The following MME variants were observed in gnomAD, a reference collection of about 807,000 sequenced individuals.
MME encodes neprilysin.
In MME, 98 loss-of-function variants were observed where a neutral mutation model predicts 113.2. The ratio of observed to expected loss-of-function variants is 0.87; its 90% CI spans 0.74 to 1.02. The LOEUF is 1.02. Among genes scored for constraint, MME ranks in the 50% least tolerant of loss-of-function variants. The pLI is 0.00. For missense variants in MME, 836 were observed against 896.0 expected, an observed-to-expected ratio of 0.93 and a Z score of 0.86; for synonymous variants, 292 against 300.6, an observed-to-expected ratio of 0.97 and a Z score of 0.30.
chr3:155,136,157 T>C (rs1282006607), intron 8 of MME, among the ~76,000 whole-genome samples: 1 of 152,152 alleles, frequency 6.6e-6, no homozygotes, highest in African/African-American at 2.4e-5. Flanking sequence ...TTGATTGATC[T>C]AGGTAGGACT....
At chr3:155,167,338 T>C (rs1723176502) in intron 18 of MME, among the ~76,000 whole-genome samples, 1 of 152,156 alleles carries the variant, frequency 6.6e-6, no homozygotes, top group South Asian at 2.1e-4. Flanking sequence ...TATCTTGTCA[T>C]ACTCTTAAAG....
intron 3 of MME, among the ~76,000 whole-genome samples, chr3:155,110,435 A>G (rs1271892673): frequency 6.6e-6 from 1 of 152,202 alleles, no homozygotes. Flanking sequence ...CTCCCAATCC[A>G]TACACACACA....
intron 1 of MME, among the ~76,000 whole-genome samples, chr3:155,049,028 C>T (rs1212815835): frequency 6.6e-6 from 1 of 151,852 alleles, no homozygotes; most frequent in Non-Finnish European, 1.5e-5. Flanking sequence ...GTGCCTTAGC[C>T]CTGAAATCTC....
At chr3:155,093,094 C>T (rs79284207) in intron 3 of MME, among the ~76,000 whole-genome samples, 346 of 151,424 alleles carry the variant, frequency 2.3e-3, no homozygotes, top group Non-Finnish European at 4.2e-3. Flanking sequence ...CATTCTTTCC[C>T]CCATCTCTCC....
chr3:155,063,643 A>G (rs1166628016), intron 1 of MME, among the ~76,000 whole-genome samples: 1 of 121,178 alleles, frequency 8.3e-6, no homozygotes, highest in African/African-American at 3.2e-5. Context: ...TTGATTATAT[A>G]TTATATTTGA....
rs974140181 is a variant in MME, at chr3:155,166,984, C to T, written c.1743C>T (p.Val581=). ...TGAACTATGGGGGCATCGGCATGGTCATAGGACACGAAATCACCCATGGCT... is the reference window on the plus strand; with the variant it reads ...TGAACTATGGGGGCATCGGCATGGTTATAGGACACGAAATCACCCATGGCT... ...NSLNYGGIGM[V]IGHEITHGFD... The change falls in exon 18 of 23, where the codon GTC becomes GTT. Residue 581 remains valine, a synonymous_variant. Coordinates refer to ENST00000360490, the MANE Select transcript of MME (RefSeq NM_007289.4). 6.2e-7 allele frequency: 1 copy of T among 1,613,714 alleles called. No homozygotes were observed. Among genetic ancestry groups the T allele is most frequent in the Non-Finnish European group, 8.5e-7 (1 of 1,179,772 alleles).
chr3:155,152,688 A>T (rs1383662512), intron 16 of MME, among the ~76,000 whole-genome samples: 2 of 152,114 alleles, frequency 1.3e-5, no homozygotes, highest in Non-Finnish European at 2.9e-5. Context: ...TGAAAATACA[A>T]AAATTAGCCA....
At chr3:155,037,906 G>A (rs961333767) in intron 1 of MME, among the ~76,000 whole-genome samples, 5 of 152,080 alleles carry the variant, frequency 3.3e-5, no homozygotes, top group Admixed American at 6.6e-5. Flanking sequence ...TGGAGACAAT[G>A]AGTATACACC....
intron 1 of MME, among the ~76,000 whole-genome samples, chr3:155,026,259 GGCCCTCACAACTTGTCAGTCA>G (rs899533267): frequency 6.6e-5 from 10 of 152,066 alleles, no homozygotes; most frequent in African/African-American, 9.7e-5. Context: ...TATTCATTGA[GGCCCTCACAACTTGTCAGTCA>G]GGAAACTCAA....
At chr3:155,127,016 A>G (rs1240577352) in intron 8 of MME, among the ~76,000 whole-genome samples, 3 of 151,890 alleles carry the variant, frequency 2.0e-5, no homozygotes, top group Admixed American at 2.0e-4. Context: ...TCAAAAAAAA[A>G]AAAAAAAAAG....
intron 20 of MME, among the ~76,000 whole-genome samples, chr3:155,169,747 A>G (rs2108369186): frequency 6.6e-6 from 1 of 152,304 alleles, no homozygotes; most frequent in South Asian, 2.1e-4. Flanking sequence ...TGGAATGATC[A>G]GTGGAGTGAA....
intron 16 of MME, among the ~76,000 whole-genome samples, chr3:155,153,879 T>C (rs182440286): frequency 1.3e-5 from 2 of 152,250 alleles, no homozygotes; most frequent in Admixed American, 1.3e-4. Context: ...ATGTTGCCCT[T>C]TACTCGGGAG....
At chr3:155,122,216 T>C (rs1370487655) in intron 8 of MME, among the ~76,000 whole-genome samples, 4 of 152,004 alleles carry the variant, frequency 2.6e-5, no homozygotes, top group African/African-American at 7.2e-5. Context: ...GAGGTGTTTA[T>C]AGTATTCTCT....
intron 3 of MME, among the ~76,000 whole-genome samples, chr3:155,096,867 C>A (rs1716785847): frequency 6.6e-6 from 1 of 152,112 alleles, no homozygotes; most frequent in African/African-American, 2.4e-5. Flanking sequence ...TACAGGCATG[C>A]ACCACCACAC....
At chr3:155,177,414 A>C (rs1052557040) in intron 22 of MME, among the ~76,000 whole-genome samples, 2 of 152,318 alleles carry the variant, frequency 1.3e-5, no homozygotes, top group South Asian at 4.1e-4. Context: ...TCTAACATAA[A>C]GAATCCTTGA....
intron 3 of MME, among the ~76,000 whole-genome samples, chr3:155,113,751 G>GCA (rs1559925905): frequency 6.6e-6 from 1 of 152,130 alleles, no homozygotes; most frequent in Non-Finnish European, 1.5e-5. Context: ...TGGAAGAGGG[G>GCA]CAAAGGAATT....
chr3:155,063,982 C>T (rs997047067), intron 1 of MME, among the ~76,000 whole-genome samples: 8 of 146,782 alleles, frequency 5.5e-5, no homozygotes, highest in Admixed American at 3.3e-4. Flanking sequence ...TCTGATAGGA[C>T]TAATCCTCAT....
At chr3:155,159,702 G>A (rs961850827) in intron 16 of MME, among the ~76,000 whole-genome samples, 2 of 151,758 alleles carry the variant, frequency 1.3e-5, no homozygotes, top group Admixed American at 1.3e-4. Context: ...CTGAAGTCAG[G>A]AACTGTATTT....
At chr3:155,156,708 G>A (rs894151053) in intron 16 of MME, among the ~76,000 whole-genome samples, 4 of 152,114 alleles carry the variant, frequency 2.6e-5, no homozygotes, top group Non-Finnish European at 5.9e-5. Flanking sequence ...TGATTACAAG[G>A]TAAGAATTCT....
Sources: allele counts gnomAD v4.1 joint callset (sites outside exome capture counted in the v4.1 genomes callset), GRCh38; gene constraint gnomAD v4.1.1; transcripts MANE v1.5; gene names NCBI Gene and HGNC (gene_info 2026-07-23, HGNC 2026-07-21).